Variants in PTK2 observed in about 807,000 individuals in gnomAD.
The protein encoded by PTK2 is protein tyrosine kinase 2.
A neutral mutation model predicts 150.1 loss-of-function variants in PTK2; 45 were observed. The observed-to-expected ratio is 0.30, with a 90% confidence interval of 0.24 to 0.38. The LOEUF is 0.38. Ranked by LOEUF, PTK2 falls within the 10% of genes least tolerant of loss-of-function variation. The probability of loss-of-function intolerance (pLI) is 1.00; values close to 1 mark genes in which losing one functional copy is unlikely to be tolerated. For missense variants in PTK2, 919 were observed against 1,307.3 expected, an observed-to-expected ratio of 0.70 and a Z score of 4.58; for synonymous variants, 432 against 449.2, an observed-to-expected ratio of 0.96 and a Z score of 0.48.
intron 2 of PTK2, among the ~76,000 whole-genome samples, chr8:140,918,050 T>C (rs1012668457): frequency 3.3e-5 from 5 of 152,190 alleles, no homozygotes; most frequent in Non-Finnish European, 7.3e-5. Flanking sequence ...CATATGGCAG[T>C]GAGCAAAAGA....
intron 10 of PTK2, among the ~76,000 whole-genome samples, chr8:140,815,721 A>T (rs1434414674): frequency 6.6e-6 from 1 of 152,302 alleles, no homozygotes; most frequent in East Asian, 1.9e-4. Context: ...ATTTTAAAAG[A>T]ATATTGTATA....
Position 140,729,720 on chromosome 8 carries a change from A to G in PTK2, c.2030+5531T>C, listed in dbSNP as rs144350994. Among the ~76,000 whole-genome samples the G allele has an allele frequency of 6.3e-3, 965 of 152,280 alleles. 15 individuals carry two copies. The highest frequency in any genetic ancestry group is 0.021 in the African/African-American group (888 of 41,572). On this transcript the variant is annotated intron_variant, in intron 22 of 31. Coordinates refer to ENST00000522684, the Ensembl canonical transcript of PTK2. The stretch of plus-strand genomic sequence containing the variant: ...ATATTAACAACCTGCTCACCAGTCC[A>G]AATCATAAGATGGCAGGCACACTTA...
chr8:140,733,987 T>G (rs1256143037), intron 22 of PTK2, among the ~76,000 whole-genome samples: 2 of 152,202 alleles, frequency 1.3e-5, no homozygotes, highest in African/African-American at 4.8e-5. Flanking sequence ...GAACCTAGCT[T>G]AGAATAACAA....
intron 18 of PTK2, chr8:140,746,510 T>A: frequency 2.9e-6 from 1 of 344,580 alleles, no homozygotes; most frequent in Non-Finnish European, 5.2e-6. Flanking sequence ...TTTGGCCATC[T>A]GCGGCTACCA....
chr8:140,762,772 G>GT (rs901714362), intron 15 of PTK2, among the ~76,000 whole-genome samples: 140 of 148,550 alleles, frequency 9.4e-4, no homozygotes, highest in East Asian at 4.1e-3. Flanking sequence ...GTGTTTTGGT[G>GT]TTTTTTTTTT....
chr8:140,811,670 T>C (rs763182311), intron 10 of PTK2, among the ~76,000 whole-genome samples: 1 of 152,030 alleles, frequency 6.6e-6, no homozygotes, highest in African/African-American at 2.4e-5. Flanking sequence ...AGAATCACAA[T>C]AAAACAATAC....
intron 2 of PTK2, among the ~76,000 whole-genome samples, chr8:140,897,637 A>G (rs948645042): frequency 6.6e-6 from 1 of 152,294 alleles, no homozygotes; most frequent in South Asian, 2.1e-4. Flanking sequence ...CGGTTTGGTC[A>G]GTTCAAAGAA....
intron 7 of PTK2, among the ~76,000 whole-genome samples, chr8:140,842,895 T>C (rs1189829736): frequency 6.6e-6 from 1 of 152,148 alleles, no homozygotes; most frequent in African/African-American, 2.4e-5. Context: ...CAATAGATCA[T>C]TCAACTTTCC....
intron 22 of PTK2, among the ~76,000 whole-genome samples, chr8:140,733,100 T>G (rs1164488117): frequency 6.6e-6 from 1 of 152,122 alleles, no homozygotes; most frequent in Non-Finnish European, 1.5e-5. Flanking sequence ...GAAGATTGAC[T>G]AAGCTGGTCA....
intron 31 of PTK2, chr8:140,663,041 G>A (rs555063012): frequency 1.5e-5 from 5 of 333,910 alleles, no homozygotes; most frequent in Admixed American, 9.4e-5. Context: ...GACAACCGAC[G>A]ACCCTGGAAC....
rs117764404 is a variant in PTK2 at position 140,812,619 on chromosome 8, T to C, written c.867+5658A>G. On this transcript the variant is annotated intron_variant, in intron 10 of 31. Transcript: ENST00000522684. ...GATAAAGAACCAAGATTCATTGGTA[T>C]GCTGTCTTCAAAATACCTATCTCAC... 2.2e-3 allele frequency among the ~76,000 whole-genome samples: 337 copies of C among 152,308 alleles called. 1 individual carries two copies. Among genetic ancestry groups the C allele is most frequent in the Middle Eastern group, 6.8e-3 (2 of 294 alleles).
intron 31 of PTK2, among the ~76,000 whole-genome samples, chr8:140,664,649 T>C (rs1363955736): frequency 6.6e-6 from 1 of 152,182 alleles, no homozygotes; most frequent in African/African-American, 2.4e-5. Flanking sequence ...GATGAGGACC[T>C]TGCATAGTGG....
chr8:140,701,988 C>T (rs970600674), intron 25 of PTK2, among the ~76,000 whole-genome samples: 5 of 151,478 alleles, frequency 3.3e-5, no homozygotes, highest in East Asian at 2.0e-4. Context: ...ATTAACTGGG[C>T]GTGGTGGCTC....
At chr8:140,676,295 G>A (rs2100013598) in intron 27 of PTK2, among the ~76,000 whole-genome samples, 1 of 152,064 alleles carries the variant, frequency 6.6e-6, no homozygotes, top group Non-Finnish European at 1.5e-5. Context: ...AGGACAGCTT[G>A]AACCCAGGAG....
chr8:140,752,688 T>C (rs2100063476), intron 16 of PTK2, among the ~76,000 whole-genome samples: 2 of 152,232 alleles, frequency 1.3e-5, no homozygotes, highest in Admixed American at 1.3e-4. Flanking sequence ...AAAGAATTAA[T>C]TACATAGTAT....
intron 4 of PTK2, among the ~76,000 whole-genome samples, chr8:140,873,149 G>A (rs2154606867): frequency 6.6e-6 from 1 of 152,332 alleles, no homozygotes; most frequent in East Asian, 1.9e-4. Flanking sequence ...ACTGCAGGAT[G>A]GTAGGGCATG....
chr8:140,872,509 T>C (rs1253805400), intron 4 of PTK2, among the ~76,000 whole-genome samples: 1 of 152,224 alleles, frequency 6.6e-6, no homozygotes. Flanking sequence ...CCCAGCATCC[T>C]AGAAACAGGT....
chr8:140,719,958 A>G (rs1485814437), intron 22 of PTK2, among the ~76,000 whole-genome samples: 1 of 152,018 alleles, frequency 6.6e-6, no homozygotes, highest in Non-Finnish European at 1.5e-5. Flanking sequence ...AACACCCTGA[A>G]ACAGGACACA....
chr8:140,698,924 ATTT>A (rs10713722), intron 26 of PTK2, among the ~76,000 whole-genome samples: 14 of 96,180 alleles, frequency 1.5e-4, no homozygotes, highest in African/African-American at 4.4e-4. Flanking sequence ...TAATTTTTGT[ATTT>A]TTTTTTTTTT....
Sources: allele counts gnomAD v4.1 joint callset (sites outside exome capture counted in the v4.1 genomes callset), GRCh38; gene constraint gnomAD v4.1.1; transcripts MANE v1.5; gene names NCBI Gene and HGNC (gene_info 2026-07-23, HGNC 2026-07-21).